Variants in HS3ST3A1 observed in about 807,000 individuals in gnomAD.
HS3ST3A1 encodes the protein heparan sulfate-glucosamine 3-sulfotransferase 3A1, also known as heparan sulfate glucosamine 3-O-sulfotransferase 3A1.
HS3ST3A1 carries 19 observed loss-of-function variants against 25.7 expected under a neutral mutation model. The observed-to-expected ratio is 0.74, with a 90% CI of 0.52 to 1.08. The LOEUF (loss-of-function observed/expected upper bound fraction) is 1.08. HS3ST3A1 is among the 50% of genes least tolerant of loss of function. The pLI is 0.00. For missense variants in HS3ST3A1, 459 were observed against 594.3 expected (o/e 0.77, Z 2.37); for synonymous variants, 226 against 278.6 (o/e 0.81, Z 1.88).
chr17:13,560,202 A>G (rs1156854178), intron 1 of HS3ST3A1, among the ~76,000 whole-genome samples: 1 of 146,832 alleles, frequency 6.8e-6, no homozygotes, highest in Non-Finnish European at 1.5e-5. Flanking sequence ...AGGCAGGAGA[A>G]TCGCTTGAAC....
chr17:13,541,297 G>A (rs972463861), intron 1 of HS3ST3A1, among the ~76,000 whole-genome samples: 1 of 152,158 alleles, frequency 6.6e-6, no homozygotes, highest in African/African-American at 2.4e-5. Flanking sequence ...ATTCACTGGC[G>A]GGTGATGCTG....
At chr17:13,575,642 G>A (rs533756956) in intron 1 of HS3ST3A1, among the ~76,000 whole-genome samples, 4 of 152,168 alleles carry the variant, frequency 2.6e-5, no homozygotes, top group Non-Finnish European at 5.9e-5. Flanking sequence ...TTAGCAAAGA[G>A]TCTGCCAATA....
At chr17:13,550,434 GC>G (rs907546127) in intron 1 of HS3ST3A1, among the ~76,000 whole-genome samples, 2 of 151,888 alleles carry the variant, frequency 1.3e-5, no homozygotes, top group African/African-American at 4.8e-5. Context: ...CTCCACACAC[GC>G]CCCCCATGTT....
chr17:13,570,745 C>T (rs1039629048), intron 1 of HS3ST3A1, among the ~76,000 whole-genome samples: 8 of 152,188 alleles, frequency 5.3e-5, no homozygotes, highest in South Asian at 4.1e-4. Context: ...GCTGGGATTA[C>T]GGGGGTGAGC....
chr17:13,519,288 C>T (rs79999810), intron 1 of HS3ST3A1, among the ~76,000 whole-genome samples: 3,687 of 152,288 alleles, frequency 0.024, 71 homozygotes, highest in Middle Eastern at 0.041. Flanking sequence ...AACTAACGTT[C>T]TAAAAAGTTT....
chr17:13,564,580 A>G (rs569182037), intron 1 of HS3ST3A1, among the ~76,000 whole-genome samples: 19 of 152,220 alleles, frequency 1.2e-4, no homozygotes, highest in South Asian at 2.1e-4. Context: ...CAGCTCTTAG[A>G]CCATATTTTT....
intron 1 of HS3ST3A1, among the ~76,000 whole-genome samples, chr17:13,594,887 G>T (rs1396645797): frequency 3.3e-5 from 5 of 151,994 alleles, no homozygotes; most frequent in Admixed American, 6.6e-5. Flanking sequence ...CTGCAAATAT[G>T]CTCTATCATG....
intron 1 of HS3ST3A1, among the ~76,000 whole-genome samples, chr17:13,569,235 AT>A (rs1284072958): frequency 1.3e-5 from 2 of 152,066 alleles, no homozygotes; most frequent in Non-Finnish European, 2.9e-5. Context: ...CCCTGGCAGG[AT>A]TTCCTTACTT....
intron 1 of HS3ST3A1, among the ~76,000 whole-genome samples, chr17:13,555,596 C>T (rs1218048308): frequency 1.3e-5 from 2 of 152,184 alleles, no homozygotes; most frequent in Non-Finnish European, 2.9e-5. Context: ...CGATGTTAGA[C>T]TGTATTAAGA....
chr17:13,572,567 T>C (rs1264555780), intron 1 of HS3ST3A1, among the ~76,000 whole-genome samples: 2 of 152,200 alleles, frequency 1.3e-5, no homozygotes, highest in African/African-American at 2.4e-5. Flanking sequence ...GAGGTTGATA[T>C]AGGGCTCACA....
chr17:13,580,119 A>G lies in HS3ST3A1; in HGVS notation c.599+20412T>C, dbSNP rs181925770. Among the ~76,000 whole-genome samples, 7 of 152,256 alleles carry G rather than the reference A, an allele frequency of 4.6e-5. No homozygotes were observed. The East Asian group carries it at 7.7e-4, about 17-fold the overall frequency. ...CAGCATATACAGTCTGTTGTGCTATAATGCCAACACACGCATTCTTCAAAT... is the reference window on the plus strand; with the variant it reads ...CAGCATATACAGTCTGTTGTGCTATGATGCCAACACACGCATTCTTCAAAT... On this transcript the variant is annotated intron_variant, in intron 1 of 1. Transcript: ENST00000284110.
At chr17:13,500,065 T>G (rs1054090464) in intron 1 of HS3ST3A1, among the ~76,000 whole-genome samples, 2 of 122,002 alleles carry the variant, frequency 1.6e-5, no homozygotes, top group Non-Finnish European at 4.1e-5. Flanking sequence ...GGATATAAAA[T>G]TTTTTTTCAA....
Position 13,496,551 on chromosome 17 carries a change from G to T in HS3ST3A1, c.867C>A (p.Gly289=), listed in dbSNP as rs2142286213. 1 of 1,558,520 alleles carries T rather than the reference G, an allele frequency of 6.4e-7. No homozygotes were observed. Among genetic ancestry groups the T allele is most frequent in the African/African-American group, 1.4e-5 (1 of 71,450 alleles). Residue 289 remains glycine, a synonymous_variant, in exon 2 of 2, where the codon GGC becomes GGA. Coordinates refer to ENST00000284110, the MANE Select transcript of HS3ST3A1 (RefSeq NM_006042.3). The stretch of plus-strand genomic sequence containing the variant: ...AGTGCTCCAGGTGCTTGGCGTAGAT[G>T]CCGATCTGGATGGCGCTCCACGACG... The part of the protein sequence containing the change: ...IDTSWSAIQI[G]IYAKHLEHWL...
In HS3ST3A1 at chr17:13,600,787, C is replaced by A; in HGVS notation, c.343G>T (p.Glu115Ter). The A allele has an allele frequency of 7.0e-7, 1 of 1,437,150 alleles. No homozygotes were observed. 89.0% of individuals were successfully genotyped at this position (1,437,150 alleles called of 1,614,324 possible). A position where few individuals can be genotyped will look rare whatever the true frequency, so the allele number is the denominator to read the frequency against. The change falls in exon 1 of 2, where the codon GAA becomes TAA. Residue 115 changes from glutamate (E) to a stop codon, truncating the protein, a stop_gained. Coordinates refer to ENST00000284110, the MANE Select transcript of HS3ST3A1 (RefSeq NM_006042.3). LOFTEE classifies it high-confidence loss of function. Reference protein sequence around the residue: ...RDDGEEAAWEEESPGLSGGPG... With the variant: ...RDDGEEAAWE ...CCCCCTGACAGGCCAGGGGACTCTT[C>A]TTCCCAGGCCGCCTCCTCGCCGTCG... is the stretch of plus-strand genomic sequence containing the variant.
At position 13,495,342 on chromosome 17, in the gene HS3ST3A1, C is replaced by G. The variant is rs887485849; in HGVS notation, c.*855G>C. Among the ~76,000 whole-genome samples the G allele has an allele frequency of 6.6e-6, 1 of 152,098 alleles. No homozygotes were observed. Among genetic ancestry groups the G allele is most frequent in the Non-Finnish European group, 1.5e-5 (1 of 68,018 alleles). On this transcript the variant is annotated 3_prime_UTR_variant, in exon 2 of 2. Transcript: ENST00000284110. ...AAATAGCCAAGAGGCAAGACTGGCT[C>G]TTAAGAGAGGTTGTGTCCAGGTCTC...
chr17:13,506,540 C>A (rs1905681496), intron 1 of HS3ST3A1, among the ~76,000 whole-genome samples: 1 of 152,120 alleles, frequency 6.6e-6, no homozygotes, highest in Non-Finnish European at 1.5e-5. Flanking sequence ...ATTTCAAAAT[C>A]AATGAGATCT....
chr17:13,569,167 A>C (rs746537152), intron 1 of HS3ST3A1, among the ~76,000 whole-genome samples: 1 of 152,094 alleles, frequency 6.6e-6, no homozygotes, highest in Non-Finnish European at 1.5e-5. Context: ...CTTTCAACCC[A>C]GGTCTTTTCT....
At chr17:13,550,242 T>G (rs1394466274) in intron 1 of HS3ST3A1, among the ~76,000 whole-genome samples, 1 of 152,204 alleles carries the variant, frequency 6.6e-6, no homozygotes, top group African/African-American at 2.4e-5. Flanking sequence ...TTTTCAGGAC[T>G]CATGACAGAA....
chr17:13,575,474 G>A (rs1191574764), intron 1 of HS3ST3A1, among the ~76,000 whole-genome samples: 1 of 152,156 alleles, frequency 6.6e-6, no homozygotes, highest in Non-Finnish European at 1.5e-5. Flanking sequence ...GTTCCAATCA[G>A]GGAGTTTTTG....
Sources: gnomAD v4.1 joint callset for allele counts (sites outside exome capture counted in the v4.1 genomes callset) on GRCh38, gnomAD v4.1.1 for gene constraint, MANE v1.5 for transcripts, NCBI Gene and HGNC (gene_info 2026-07-23, HGNC 2026-07-21) for gene names.